Variants in RBFOX1 observed in about 807,000 individuals in gnomAD.
RBFOX1 encodes RNA binding protein fox-1 homolog 1.
RBFOX1 carries 8 observed loss-of-function variants against 57.7 expected under a neutral mutation model. That is an observed-to-expected ratio of 0.14 (90% confidence interval 0.08 to 0.25). RBFOX1 has a LOEUF of 0.25. Ranked by LOEUF, RBFOX1 falls within the 10% of genes least tolerant of loss-of-function variation. The probability of loss-of-function intolerance (pLI) is 1.00; values close to 1 mark genes in which losing one functional copy is unlikely to be tolerated. For missense variants in RBFOX1, 611 were observed against 548.5 expected, an observed-to-expected ratio of 1.11 and a Z score of -1.14; for synonymous variants, 326 against 222.4, an observed-to-expected ratio of 1.47 and a Z score of -4.15.
intron 2 of RBFOX1, among the ~76,000 whole-genome samples, chr16:5,556,320 G>A (rs879059693): frequency 3.3e-5 from 5 of 152,162 alleles, no homozygotes; most frequent in African/African-American, 9.7e-5. Flanking sequence ...ATTCGTGATT[G>A]GCTCTGGTGG....
chr16:6,504,178 T>A (rs1412258286), intron 2 of RBFOX1, among the ~76,000 whole-genome samples: 1 of 152,186 alleles, frequency 6.6e-6, no homozygotes, highest in Non-Finnish European at 1.5e-5. Context: ...GCACCATGTA[T>A]CTTCAGGGAG....
At chr16:6,101,446 G>A (rs2096306974) in intron 1 of RBFOX1, among the ~76,000 whole-genome samples, 1 of 151,892 alleles carries the variant, frequency 6.6e-6, no homozygotes, top group Admixed American at 6.6e-5. Flanking sequence ...TGGGTGTGAT[G>A]GTTTTGTATC....
intron 3 of RBFOX1, among the ~76,000 whole-genome samples, chr16:5,806,324 G>C (rs532196903): frequency 6.6e-6 from 1 of 152,206 alleles, no homozygotes; most frequent in East Asian, 1.9e-4. Flanking sequence ...TTGGCGTCTG[G>C]TGAGGGCCTT....
intron 14 of RBFOX1, among the ~76,000 whole-genome samples, chr16:7,695,124 C>G (rs1490144067): frequency 6.6e-6 from 1 of 152,098 alleles, no homozygotes; most frequent in Admixed American, 6.5e-5. Context: ...TAATGAATTG[C>G]TATTGATCAC....
chr16:6,841,233 G>C (rs72768812), intron 3 of RBFOX1, among the ~76,000 whole-genome samples: 10,248 of 152,192 alleles, frequency 0.067, 506 homozygotes, highest in Non-Finnish European at 0.11. Flanking sequence ...ATAATGGTCA[G>C]TTATCCTGCC....
At chr16:5,285,906 G>A (rs549999322) in intron 1 of RBFOX1, among the ~76,000 whole-genome samples, 9 of 152,154 alleles carry the variant, frequency 5.9e-5, no homozygotes, top group African/African-American at 2.2e-4. Flanking sequence ...TGAGTAGCTG[G>A]GACTACAGGC....
At chr16:5,521,390 A>G (rs2044008639) in intron 2 of RBFOX1, among the ~76,000 whole-genome samples, 1 of 152,162 alleles carries the variant, frequency 6.6e-6, no homozygotes, top group Non-Finnish European at 1.5e-5. Flanking sequence ...AAAAGAAAAA[A>G]GATCATTCCA....
At chr16:6,916,417 C>G (rs1327329649) in intron 3 of RBFOX1, among the ~76,000 whole-genome samples, 1 of 151,970 alleles carries the variant, frequency 6.6e-6, no homozygotes, top group Non-Finnish European at 1.5e-5. Context: ...GAATATATCC[C>G]TAGGTGTGGA....
At position 6,654,650 on chromosome 16, in the gene RBFOX1, G is replaced by C. The variant is rs1166094316; in HGVS notation, c.-16G>C. On this transcript the variant is annotated splice_region_variant and 5_prime_UTR_variant, in exon 3 of 16. Transcript: ENST00000550418. ...CCTGCGTGGAAATAGAAGACAGAAAGGTGAGTCAATATTTTTCATTTTTAG... is the reference window on the plus strand; with the variant it reads ...CCTGCGTGGAAATAGAAGACAGAAACGTGAGTCAATATTTTTCATTTTTAG... The C allele has an allele frequency of 6.6e-7, 1 of 1,507,910 alleles. No homozygotes were observed. The highest frequency in any genetic ancestry group is 8.8e-7 in the Non-Finnish European group (1 of 1,136,966). 93.4% of individuals were successfully genotyped at this position (1,507,910 alleles called of 1,614,324 possible). A position where few individuals can be genotyped will look rare whatever the true frequency, so the allele number is the denominator to read the frequency against.
At chr16:7,064,762 C>G (rs569259226) in intron 4 of RBFOX1, among the ~76,000 whole-genome samples, 19 of 152,294 alleles carry the variant, frequency 1.2e-4, no homozygotes, top group African/African-American at 4.6e-4. Flanking sequence ...AAATGAACAA[C>G]CAACTAACCA....
intron 2 of RBFOX1, among the ~76,000 whole-genome samples, chr16:5,492,063 C>A (rs779009969): frequency 3.3e-5 from 5 of 152,176 alleles, no homozygotes; most frequent in Non-Finnish European, 7.3e-5. Flanking sequence ...CTTGTTGGAA[C>A]TGCACACTCT....
intron 1 of RBFOX1, among the ~76,000 whole-genome samples, chr16:6,074,670 A>G (rs925200535): frequency 2.6e-5 from 4 of 152,226 alleles, no homozygotes; most frequent in Non-Finnish European, 4.4e-5. Context: ...AAGTCAAGTG[A>G]GGGTCAGTGG....
In RBFOX1 at chr16:6,333,756, C is replaced by T. The variant is rs960041396; in HGVS notation, c.-64+16699C>T. ...TGGCTTTTAAAAGATGTTACATCAA[C>T]GAATGGTTAGAAAGCAGTAACATCT... is the stretch of plus-strand genomic sequence containing the variant. On this transcript the variant is annotated intron_variant, in intron 2 of 15. Coordinates refer to ENST00000550418, the MANE Select transcript of RBFOX1 (RefSeq NM_018723.4). Among the ~76,000 whole-genome samples, 8 of 152,198 alleles carry T rather than the reference C, an allele frequency of 5.3e-5. No individual in the cohort carries two copies. In the East Asian group the frequency reaches 9.7e-4, roughly 18 times the overall value.
At chr16:6,386,667 A>C (rs916387463) in intron 2 of RBFOX1, among the ~76,000 whole-genome samples, 1 of 152,228 alleles carries the variant, frequency 6.6e-6, no homozygotes, top group African/African-American at 2.4e-5. Context: ...TAGTATCTCC[A>C]GTTGTTAAAA....
intron 4 of RBFOX1, among the ~76,000 whole-genome samples, chr16:7,428,824 C>G (rs759747034): frequency 2.6e-5 from 4 of 152,018 alleles, no homozygotes; most frequent in Non-Finnish European, 5.9e-5. Context: ...CTCAGTCTTA[C>G]TCATCTTTAT....
chr16:7,483,661 T>A (rs147219356), intron 4 of RBFOX1, among the ~76,000 whole-genome samples: 10 of 152,280 alleles, frequency 6.6e-5, no homozygotes, highest in African/African-American at 2.4e-4. Context: ...ATCTTATAGG[T>A]TGGGAAATAT....
chr16:5,908,197 C>T (rs139346210), intron 4 of RBFOX1, among the ~76,000 whole-genome samples: 1 of 110,542 alleles, frequency 9.0e-6, no homozygotes, highest in African/African-American at 3.6e-5. Flanking sequence ...CACATATATA[C>T]ATATACACAC....
chr16:5,671,839 C>G (rs1292387070), intron 3 of RBFOX1, among the ~76,000 whole-genome samples: 1 of 152,196 alleles, frequency 6.6e-6, no homozygotes, highest in Non-Finnish European at 1.5e-5. Flanking sequence ...TATCTCCATC[C>G]AAGTTGCAGT....
rs560028264 is a variant in RBFOX1, at chr16:7,169,621, C to T, written c.27+117523C>T. On this transcript the variant is annotated intron_variant, in intron 4 of 15. Transcript: ENST00000550418. ...GTAGGTGCATTATCAGTCCCATTTA[C>T]CAGTGAAGAAACAGAAATTCAGAGT... 3.3e-5 allele frequency among the ~76,000 whole-genome samples: 5 copies of T among 152,166 alleles called. No homozygotes were observed. The East Asian group carries it at 5.8e-4, about 18-fold the overall frequency.
Sources: gnomAD v4.1 joint callset for allele counts (sites outside exome capture counted in the v4.1 genomes callset) on GRCh38, gnomAD v4.1.1 for gene constraint, MANE v1.5 for transcripts, NCBI Gene and HGNC (gene_info 2026-07-23, HGNC 2026-07-21) for gene names.